The following MTCL2 variants were observed in gnomAD, a reference collection of about 807,000 sequenced individuals.
MTCL2 encodes the protein microtubule crosslinking factor 2, also known as microtubule cross-linking factor 2.
the MTCL2 span, among the ~76,000 whole-genome samples, chr20:36,846,587 C>T: frequency 2.0e-5 from 3 of 152,336 alleles, no homozygotes; most frequent in South Asian, 2.1e-4. Flanking sequence ...ATCTCTTCCA[C>T]CGGTTCTCAC....
the MTCL2 span, among the ~76,000 whole-genome samples, chr20:36,843,808 G>A: frequency 6.6e-6 from 1 of 152,228 alleles, no homozygotes; most frequent in East Asian, 1.9e-4. Context: ...ACCCTATGAT[G>A]CTGGGCTACA....
At chr20:36,786,726 C>A in the MTCL2 span, 1 of 1,284,570 alleles carries the variant, frequency 7.8e-7, no homozygotes, top group East Asian at 2.6e-5. Context: ...AGGCAAGGAA[C>A]TGAGACTCGG....
chr20:36,835,893 G>A, the MTCL2 span, among the ~76,000 whole-genome samples: 1 of 152,142 alleles, frequency 6.6e-6, no homozygotes. Flanking sequence ...CCACGGAGGC[G>A]CCGCAGCCGG....
At chr20:36,785,308 A>G in the MTCL2 span, 13 of 985,456 alleles carry the variant, frequency 1.3e-5, no homozygotes, top group Admixed American at 1.8e-4. Flanking sequence ...ATGTTGTCCC[A>G]GTGGCAAGAA....
At chr20:36,785,408 T>G in the MTCL2 span, 1 of 984,382 alleles carries the variant, frequency 1.0e-6, no homozygotes, top group East Asian at 1.1e-4. Context: ...ATATTTATAG[T>G]AGGAAAAATT....
the MTCL2 span, among the ~76,000 whole-genome samples, chr20:36,810,711 TCTCTCC>T: frequency 3.6e-4 from 47 of 131,060 alleles, no homozygotes; most frequent in African/African-American, 1.4e-3. Context: ...CCTCCTTCTC[TCTCTCC>T]CTCTCTCTCT....
the MTCL2 span, among the ~76,000 whole-genome samples, chr20:36,837,559 T>C: frequency 7.5e-6 from 1 of 133,956 alleles, no homozygotes; most frequent in Non-Finnish European, 1.7e-5. Context: ...TTATTATTAT[T>C]ATTATTATTA....
the MTCL2 span, chr20:36,782,526 T>C: frequency 6.6e-6 from 1 of 152,152 alleles, no homozygotes; most frequent in Non-Finnish European, 1.5e-5. Context: ...CTGAAGGAGA[T>C]GTGGGGTGGG....
chr20:36,828,992 G>T, the MTCL2 span: 610 of 1,456,586 alleles, frequency 4.2e-4, 1 homozygote, highest in Non-Finnish European at 4.8e-4. Flanking sequence ...ACACTGGCTT[G>T]GGGGGGCTTG....
the MTCL2 span, chr20:36,784,199 GGA>G: frequency 1.1e-4 from 106 of 986,194 alleles, no homozygotes; most frequent in Non-Finnish European, 1.2e-4. Flanking sequence ...CCCCTCACCT[GGA>G]GATAACCTTG....
At chr20:36,811,431 C>T in the MTCL2 span, among the ~76,000 whole-genome samples, 1 of 152,010 alleles carries the variant, frequency 6.6e-6, no homozygotes, top group Non-Finnish European at 1.5e-5. Flanking sequence ...GAGTTTGAGG[C>T]CAGCCTAGGT....
the MTCL2 span, among the ~76,000 whole-genome samples, chr20:36,830,899 A>T: frequency 1.3e-5 from 2 of 152,340 alleles, no homozygotes; most frequent in East Asian, 3.9e-4. Flanking sequence ...TGATCGCTGG[A>T]GGTCACAGTG....
At chr20:36,798,314 T>C in the MTCL2 span, among the ~76,000 whole-genome samples, 4 of 152,202 alleles carry the variant, frequency 2.6e-5, no homozygotes, top group Admixed American at 2.6e-4. Flanking sequence ...GTGATCCGCC[T>C]GCCTCGACTT....
At chr20:36,817,458 C>A in the MTCL2 span, 1 of 1,571,376 alleles carries the variant, frequency 6.4e-7, no homozygotes, top group Non-Finnish European at 8.6e-7. Flanking sequence ...TTCCTCTTTT[C>A]TTCAAGGAAT....
At chr20:36,828,279 C>T in the MTCL2 span, among the ~76,000 whole-genome samples, 6 of 152,192 alleles carry the variant, frequency 3.9e-5, no homozygotes, top group African/African-American at 7.2e-5. Flanking sequence ...GGTTTCTAGC[C>T]GGCATTCTGC....
At chr20:36,784,033 C>G in the MTCL2 span, 3 of 985,546 alleles carry the variant, frequency 3.0e-6, no homozygotes, top group Non-Finnish European at 3.6e-6. Flanking sequence ...ATGGCAAGGA[C>G]AATCCTGGAC....
the MTCL2 span, among the ~76,000 whole-genome samples, chr20:36,841,880 T>TGGGTGTGG: frequency 3.8e-4 from 48 of 126,756 alleles, no homozygotes; most frequent in Admixed American, 2.5e-3. Context: ...GTGGGGTGTG[T>TGGGTGTGG]GTGTGTGTGT....
the MTCL2 span, among the ~76,000 whole-genome samples, chr20:36,803,807 T>C: frequency 6.6e-6 from 1 of 151,630 alleles, no homozygotes; most frequent in African/African-American, 2.4e-5. Flanking sequence ...AATACAAAAA[T>C]TAGCTGGGCA....
At chr20:36,803,094 G>A in the MTCL2 span, 6 of 1,606,112 alleles carry the variant, frequency 3.7e-6, no homozygotes, top group African/African-American at 1.3e-5. Flanking sequence ...CCCCTTCCCT[G>A]TCTTCAGCTC....
Sources: gnomAD v4.1 joint callset for allele counts (sites outside exome capture counted in the v4.1 genomes callset) on GRCh38, gnomAD v4.1.1 for gene constraint, MANE v1.5 for transcripts, NCBI Gene and HGNC (gene_info 2026-07-23, HGNC 2026-07-21) for gene names.